The following NR6A1 variants were observed in gnomAD, a reference collection of about 807,000 sequenced individuals.
NR6A1 encodes the protein retinoic acid receptor-related testis-associated receptor.
In NR6A1, 7 loss-of-function variants were observed where a neutral mutation model predicts 59.1. That is an observed-to-expected ratio of 0.12 (90% CI 0.07 to 0.22). The LOEUF (loss-of-function observed/expected upper bound fraction) is 0.22. Ranked by LOEUF, NR6A1 falls within the 10% of genes least tolerant of loss-of-function variation. NR6A1 has a pLI of 1.00. For missense variants in NR6A1, 468 were observed against 611.6 expected (o/e 0.77, Z 2.48); for synonymous variants, 243 against 236.1 (o/e 1.03, Z -0.27).
At chr9:124,708,478 C>T (rs187892169) in intron 2 of NR6A1, among the ~76,000 whole-genome samples, 48 of 152,328 alleles carry the variant, frequency 3.2e-4, no homozygotes, top group Admixed American at 9.1e-4. Flanking sequence ...CTCATTCACT[C>T]ATGCCAGATA....
chr9:124,567,788 T>C (rs907329027), intron 2 of NR6A1, among the ~76,000 whole-genome samples: 4 of 150,958 alleles, frequency 2.6e-5, no homozygotes, highest in African/African-American at 9.7e-5. Context: ...ATACATTTTG[T>C]AGGAGGCAGC....
In NR6A1 at chr9:124,534,847, T is replaced by C. The variant is rs534724986; in HGVS notation, c.1079+1031A>G. ...AGAAGACAATTAAAAATATCTAGTC[T>C]AGACCGGGCGCAGTGGCTCACGCCT... On this transcript the variant is annotated intron_variant, in intron 7 of 9. Coordinates refer to ENST00000487099, the MANE Select transcript of NR6A1 (RefSeq NM_033334.4). Among the ~76,000 whole-genome samples the C allele has an allele frequency of 1.3e-4, 20 of 152,298 alleles. 1 individual carries two copies. Among genetic ancestry groups the C allele is most frequent in the African/African-American group, 4.6e-4 (19 of 41,594 alleles).
At chr9:124,584,357 G>A (rs974856510) in intron 2 of NR6A1, among the ~76,000 whole-genome samples, 5 of 151,880 alleles carry the variant, frequency 3.3e-5, no homozygotes, top group South Asian at 4.2e-4. Context: ...TGCCCTCCTC[G>A]GCCTCCCAAA....
At chr9:124,645,400 C>T (rs1836901574) in intron 2 of NR6A1, among the ~76,000 whole-genome samples, 1 of 152,074 alleles carries the variant, frequency 6.6e-6, no homozygotes, top group Non-Finnish European at 1.5e-5. Flanking sequence ...CTACAAGAAA[C>T]CTACTTTAAG....
chr9:124,524,239 G>A (rs1255725914), intron 9 of NR6A1, among the ~76,000 whole-genome samples: 1 of 152,114 alleles, frequency 6.6e-6, no homozygotes, highest in South Asian at 2.1e-4. Context: ...TTACAGGCAG[G>A]AGCCACTGTG....
At chr9:124,657,397 A>G (rs1187287103) in intron 2 of NR6A1, among the ~76,000 whole-genome samples, 2 of 152,228 alleles carry the variant, frequency 1.3e-5, no homozygotes, top group African/African-American at 4.8e-5. Flanking sequence ...TTAGGACTCT[A>G]TAAGCTAATT....
At chr9:124,720,532 T>C (rs1417896138) in intron 2 of NR6A1, among the ~76,000 whole-genome samples, 2 of 152,244 alleles carry the variant, frequency 1.3e-5, no homozygotes, top group South Asian at 2.1e-4. Context: ...GATTTTCTTA[T>C]GCTTACCAAC....
chr9:124,604,643 T>C (rs1334437662), intron 2 of NR6A1, among the ~76,000 whole-genome samples: 1 of 151,962 alleles, frequency 6.6e-6, no homozygotes, highest in Non-Finnish European at 1.5e-5. Context: ...ACCCCGTTTC[T>C]ACCAAAAATA....
At chr9:124,633,696 G>C (rs147254669) in intron 2 of NR6A1, among the ~76,000 whole-genome samples, 1 of 152,036 alleles carries the variant, frequency 6.6e-6, no homozygotes, top group Admixed American at 6.6e-5. Flanking sequence ...CTGCTCCATC[G>C]GGCCAAATTC....
chr9:124,676,436 T>C (rs1453509254), intron 2 of NR6A1, among the ~76,000 whole-genome samples: 1 of 152,042 alleles, frequency 6.6e-6, no homozygotes, highest in East Asian at 1.9e-4. Context: ...TCTTGCCTTT[T>C]ATTTAAAAAA....
intron 2 of NR6A1, among the ~76,000 whole-genome samples, chr9:124,608,081 A>G (rs774741161): frequency 2.0e-5 from 3 of 152,120 alleles, no homozygotes. Context: ...TAAAAAAAAT[A>G]ATTTCGTGCT....
chr9:124,609,176 CTCTG>C (rs1225194368), intron 2 of NR6A1, among the ~76,000 whole-genome samples: 1 of 152,146 alleles, frequency 6.6e-6, no homozygotes, highest in Non-Finnish European at 1.5e-5. Context: ...ATCATGGAAT[CTCTG>C]TCTGTGCCTA....
intron 2 of NR6A1, among the ~76,000 whole-genome samples, chr9:124,562,891 G>A (rs1834121219): frequency 6.6e-6 from 1 of 152,148 alleles, no homozygotes; most frequent in Non-Finnish European, 1.5e-5. Context: ...AAATGGATAT[G>A]CCCATCTCCA....
At chr9:124,733,430 TG>T in intron 1 of NR6A1, 81 bp from the exon 2 acceptor site, 1 of 1,075,534 alleles carries the variant, frequency 9.3e-7, no homozygotes, top group South Asian at 1.3e-5. Flanking sequence ...ATCATACAGT[TG>T]GGGGGAAATC....
chr9:124,627,480 T>C (rs539799899), intron 2 of NR6A1, among the ~76,000 whole-genome samples: 1 of 152,334 alleles, frequency 6.6e-6, no homozygotes, highest in South Asian at 2.1e-4. Flanking sequence ...ATCCACAGGC[T>C]GAGGGGTTTT....
intron 2 of NR6A1, among the ~76,000 whole-genome samples, chr9:124,711,173 A>C (rs1231670268): frequency 6.8e-6 from 1 of 146,520 alleles, no homozygotes; most frequent in Non-Finnish European, 1.5e-5. Flanking sequence ...TACATGCCTA[A>C]GTCAGCTAAG....
At chr9:124,654,875 TACACACACACACACACACACACAC>T (rs3983841) in intron 2 of NR6A1, among the ~76,000 whole-genome samples, 2 of 123,874 alleles carry the variant, frequency 1.6e-5, no homozygotes, top group Non-Finnish European at 3.3e-5. Context: ...TTTTTTTTTG[TACACACACACACACACACACACAC>T]ACACACACAC....
intron 2 of NR6A1, among the ~76,000 whole-genome samples, chr9:124,675,689 T>C (rs1272227700): frequency 6.6e-6 from 1 of 152,206 alleles, no homozygotes; most frequent in African/African-American, 2.4e-5. Flanking sequence ...TGTAATTCTT[T>C]CTGCTCAACA....
intron 5 of NR6A1, among the ~76,000 whole-genome samples, chr9:124,539,643 A>G (rs1039733743): frequency 6.6e-6 from 1 of 152,254 alleles, no homozygotes; most frequent in African/African-American, 2.4e-5. Flanking sequence ...TAAAATTTAT[A>G]AAGTGAAAAA....
Sources: gnomAD v4.1 joint callset for allele counts (sites outside exome capture counted in the v4.1 genomes callset) on GRCh38, gnomAD v4.1.1 for gene constraint, MANE v1.5 for transcripts, NCBI Gene and HGNC (gene_info 2026-07-23, HGNC 2026-07-21) for gene names.